MILR1: variants seen among roughly 807,000 people sequenced by gnomAD.
The protein encoded by MILR1 is allergin-1.
MILR1 carries 31 observed loss-of-function variants against 18.5 expected under a neutral mutation model. The ratio of observed to expected loss-of-function variants is 1.68; its 90% confidence interval spans 1.26 to 2.26. The LOEUF is 2.26. Among genes scored for constraint, MILR1 ranks in the 30% most tolerant of loss-of-function variants. MILR1 has a pLI of 0.00. For synonymous variants in MILR1, 85 were observed against 56.2 expected (o/e 1.51, Z -2.30); for missense variants, 257 against 157.4 (o/e 1.63, Z -3.38).
the MILR1 span, chr17:64,490,903 T>G: frequency 6.2e-7 from 1 of 1,613,990 alleles, no homozygotes; most frequent in Non-Finnish European, 8.5e-7. Context: ...TAGTAAAGTT[T>G]GTTTCCTTTC....
chr17:64,475,507 G>A, the MILR1 span, among the ~76,000 whole-genome samples: 1 of 151,840 alleles, frequency 6.6e-6, no homozygotes, highest in African/African-American at 2.4e-5. Context: ...AATTAGCAGG[G>A]CATGGTGGCG....
At chr17:64,476,573 T>C in the MILR1 span, among the ~76,000 whole-genome samples, 1 of 152,042 alleles carries the variant, frequency 6.6e-6, no homozygotes, top group African/African-American at 2.4e-5. Context: ...AGGGTGGTAT[T>C]AGTGGATGAG....
rs1003617161 is a variant in MILR1 at position 64,452,819 on chromosome 17, T to A, written c.320T>A (p.Val107Asp). 1 of 475,120 alleles carries A rather than the reference T, an allele frequency of 2.1e-6. No homozygotes were observed. Among genetic ancestry groups the A allele is most frequent in the Non-Finnish European group, 3.9e-6 (1 of 259,034 alleles). 29.4% of individuals were successfully genotyped at this position (475,120 alleles called of 1,614,324 possible). ...ESGPYKCKAQVTSCSKYSRDF... is the reference protein window; with the variant it reads ...ESGPYKCKAQDTSCSKYSRDF... Reference sequence around the variant, plus strand: ...GGCCCCTACAAATGCAAAGCCCAAGTTACCAGCTGTTCAAAATACAGTCGT... The same window carrying A: ...GGCCCCTACAAATGCAAAGCCCAAGATACCAGCTGTTCAAAATACAGTCGT... Residue 107 changes from valine to aspartate, a missense_variant, in exon 3 of 10, where the codon GTT becomes GAT. Physicochemically the swap from Val to Asp is radical, Grantham distance 152 (BLOSUM62 -3). Coordinates refer to ENST00000619286, the MANE Select transcript of MILR1 (RefSeq NM_001085423.2).
At chr17:64,467,439 C>T (rs1316502650) in intron 8 of MILR1, 126 bp from the exon 9 acceptor site, 3 of 624,852 alleles carry the variant, frequency 4.8e-6, no homozygotes, top group African/African-American at 1.9e-5. Context: ...TTATTTAACA[C>T]AGTCCAGGAA....
the MILR1 span, chr17:64,490,938 C>A: frequency 6.2e-7 from 1 of 1,614,036 alleles, no homozygotes; most frequent in East Asian, 2.2e-5. Flanking sequence ...CTGACAGTCA[C>A]TGCTGCTGAA....
chr17:64,453,322 G>A (rs2037216904), intron 3 of MILR1, among the ~76,000 whole-genome samples: 2 of 152,006 alleles, frequency 1.3e-5, no homozygotes, highest in African/African-American at 4.8e-5. Context: ...GCCTGCCTCA[G>A]CCTCCCAAAA....
At chr17:64,463,550 A>G (rs1250355018) in intron 5 of MILR1, among the ~76,000 whole-genome samples, 8 of 152,216 alleles carry the variant, frequency 5.3e-5, no homozygotes, top group African/African-American at 1.9e-4. Context: ...AGAACTGGCA[A>G]GAGAACCAAT....
intron 2 of MILR1, among the ~76,000 whole-genome samples, chr17:64,451,667 C>T (rs2144000410): frequency 6.6e-6 from 1 of 152,082 alleles, no homozygotes; most frequent in African/African-American, 2.4e-5. Flanking sequence ...GGCACAGTGA[C>T]TCACACCTGT....
At chr17:64,453,419 G>C (rs897882039) in intron 3 of MILR1, among the ~76,000 whole-genome samples, 1 of 151,590 alleles carries the variant, frequency 6.6e-6, no homozygotes, top group East Asian at 1.9e-4. Context: ...AAAGACTTTC[G>C]ACCATGTCAG....
At chr17:64,464,123 T>C (rs1267990518) in intron 5 of MILR1, among the ~76,000 whole-genome samples, 51 of 144,962 alleles carry the variant, frequency 3.5e-4, no homozygotes, top group African/African-American at 1.3e-3. Flanking sequence ...GACATTTTTT[T>C]TTTTTTTTTT....
chr17:64,457,265 C>T (rs1365711499), intron 3 of MILR1, 135 bp from the exon 4 acceptor site: 2 of 400,068 alleles, frequency 5.0e-6, no homozygotes, highest in Non-Finnish European at 8.9e-6. Context: ...CCGTGAGCTT[C>T]TTGACTTCTC....
At chr17:64,459,848 G>C (rs1400307765) in intron 4 of MILR1, among the ~76,000 whole-genome samples, 1 of 152,144 alleles carries the variant, frequency 6.6e-6, no homozygotes, top group Admixed American at 6.6e-5. Flanking sequence ...AAACACCCAG[G>C]CTTTTCTGGT....
chr17:64,475,689 C>A, the MILR1 span, among the ~76,000 whole-genome samples: 1 of 149,108 alleles, frequency 6.7e-6, no homozygotes, highest in African/African-American at 2.5e-5. Flanking sequence ...CTCTAGCCAA[C>A]AAAGAAGGAA....
intron 2 of MILR1, among the ~76,000 whole-genome samples, chr17:64,449,564 T>C (rs1472364602): frequency 6.6e-6 from 1 of 152,180 alleles, no homozygotes; most frequent in African/African-American, 2.4e-5. Context: ...AGAAAAATAA[T>C]GAAATTTGTT....
chr17:64,467,818 C>T (rs781954113), intron 9 of MILR1, 173 bp downstream of exon 9: 3 of 463,396 alleles, frequency 6.5e-6, no homozygotes, highest in Non-Finnish European at 1.2e-5. Context: ...GTGTGTAGTC[C>T]CAGCTACTCG....
chr17:64,491,619 G>A, the MILR1 span: 9 of 1,523,532 alleles, frequency 5.9e-6, no homozygotes, highest in African/African-American at 9.6e-5. Context: ...CAGCCCTAGT[G>A]GCCTTGATGG....
At chr17:64,450,924 T>A (rs2143996131) in intron 2 of MILR1, among the ~76,000 whole-genome samples, 1 of 152,292 alleles carries the variant, frequency 6.6e-6, no homozygotes, top group East Asian at 1.9e-4. Context: ...CCTTTGTGGA[T>A]GCATGAGAGC....
At chr17:64,451,808 C>G (rs1019775025) in intron 2 of MILR1, among the ~76,000 whole-genome samples, 12 of 151,748 alleles carry the variant, frequency 7.9e-5, no homozygotes, top group Admixed American at 5.3e-4. Context: ...TGGTGTGTGC[C>G]TATAGTTCAG....
the MILR1 span, chr17:64,491,653 G>GTT: frequency 7.1e-7 from 1 of 1,399,258 alleles, no homozygotes; most frequent in Non-Finnish European, 1.0e-6. Flanking sequence ...GGTTACTACT[G>GTT]GTACTACAAC....
Sources: allele counts gnomAD v4.1 joint callset (sites outside exome capture counted in the v4.1 genomes callset), GRCh38; gene constraint gnomAD v4.1.1; transcripts MANE v1.5; gene names NCBI Gene and HGNC (gene_info 2026-07-23, HGNC 2026-07-21).